SORL1: variants seen among roughly 807,000 people sequenced by gnomAD.
SORL1 encodes the protein sortilin related receptor 1, also known as sortilin-related receptor.
In SORL1, 127 loss-of-function variants were observed where a neutral mutation model predicts 273.7. The ratio of observed to expected loss-of-function variants is 0.46; its 90% CI spans 0.40 to 0.54. The LOEUF (loss-of-function observed/expected upper bound fraction) is 0.54. Among genes scored for constraint, SORL1 ranks in the 20% least tolerant of loss-of-function variants. The pLI is 0.00. For missense variants in SORL1, 2,494 were observed against 2,846.1 expected (o/e 0.88, Z 2.81); for synonymous variants, 1,031 against 1,067.4 (o/e 0.97, Z 0.66).
Position 121,591,171 on chromosome 11 carries a change from A to T in SORL1, c.4369+15A>T, listed in dbSNP as rs1224893703. ...CCCCTTGCTTGGTGAGTTCTGGCCC[A>T]GGTCCTCTCCTGTGGTACCTGCTAT... On this transcript the variant is annotated intron_variant, in intron 31 of 47. Transcript: ENST00000260197. 2.0e-5 allele frequency: 33 copies of T among 1,613,806 alleles called. No homozygotes were observed. Among genetic ancestry groups the T allele is most frequent in the Non-Finnish European group, 2.7e-5 (32 of 1,179,920 alleles).
At chr11:121,555,455 C>A in intron 18 of SORL1, 137 bp downstream of exon 18, 2 of 1,094,272 alleles carry the variant, frequency 1.8e-6, no homozygotes, top group African/African-American at 1.6e-5. Context: ...GAGAATGGAC[C>A]AGCTGAGCCT....
chr11:121,498,903 T>C (rs566187841), intron 6 of SORL1, among the ~76,000 whole-genome samples: 1 of 151,984 alleles, frequency 6.6e-6, no homozygotes, highest in Non-Finnish European at 1.5e-5. Flanking sequence ...ATATTCTAGC[T>C]GGAGCTTTCT....
At chr11:121,479,548 C>T (rs1368929202) in intron 3 of SORL1, among the ~76,000 whole-genome samples, 2 of 152,094 alleles carry the variant, frequency 1.3e-5, no homozygotes, top group African/African-American at 2.4e-5. Flanking sequence ...GGGCACTGAC[C>T]AATCAGAACA....
chr11:121,479,640 A>T (rs552339372), intron 3 of SORL1, among the ~76,000 whole-genome samples: 1 of 152,186 alleles, frequency 6.6e-6, no homozygotes, highest in East Asian at 1.9e-4. Flanking sequence ...TTTCAGGGAG[A>T]TCCTGGGGAA....
intron 6 of SORL1, among the ~76,000 whole-genome samples, chr11:121,507,761 A>G (rs1245587675): frequency 1.3e-5 from 2 of 151,788 alleles, no homozygotes; most frequent in East Asian, 3.9e-4. Flanking sequence ...TACTTAGTCT[A>G]ATGTCTGAGC....
chr11:121,534,976 C>T (rs552287129), intron 12 of SORL1, among the ~76,000 whole-genome samples: 4 of 152,250 alleles, frequency 2.6e-5, no homozygotes, highest in East Asian at 1.9e-4. Context: ...TTCTGCAACT[C>T]GTTAGTAAGG....
At chr11:121,610,219 T>G (rs576932466) in intron 38 of SORL1, 1 of 152,336 alleles carries the variant, frequency 6.6e-6, no homozygotes, top group South Asian at 2.1e-4. Flanking sequence ...AATAATATTT[T>G]CTGATAATAT....
intron 43 of SORL1, among the ~76,000 whole-genome samples, chr11:121,620,284 T>C (rs968369260): frequency 2.3e-4 from 35 of 152,204 alleles, no homozygotes; most frequent in African/African-American, 7.7e-4. Context: ...CCTATTTGTT[T>C]ATATATTATA....
chr11:121,484,032 G>A (rs1168216597), intron 3 of SORL1, among the ~76,000 whole-genome samples: 1 of 152,130 alleles, frequency 6.6e-6, no homozygotes, highest in African/African-American at 2.4e-5. Context: ...ACAGCGAGGA[G>A]ATTCACTTTT....
chr11:121,569,235 C>T (rs909625723), intron 22 of SORL1, among the ~76,000 whole-genome samples: 1 of 152,154 alleles, frequency 6.6e-6, no homozygotes, highest in Non-Finnish European at 1.5e-5. Context: ...CGCCTCAGGA[C>T]CCTGTGATGA....
At chr11:121,575,956 C>A (rs1391807138) in intron 24 of SORL1, among the ~76,000 whole-genome samples, 1 of 152,154 alleles carries the variant, frequency 6.6e-6, no homozygotes, top group Non-Finnish European at 1.5e-5. Flanking sequence ...CCGGTTAGCC[C>A]CTTCCTCTGA....
At chr11:121,555,454 C>A (rs1006818641) in intron 18 of SORL1, 136 bp downstream of exon 18, 1 of 1,091,146 alleles carries the variant, frequency 9.2e-7, no homozygotes, top group Non-Finnish European at 1.3e-6. Flanking sequence ...AGAGAATGGA[C>A]CAGCTGAGCC....
chr11:121,482,634 C>A (rs1281351227), intron 3 of SORL1, among the ~76,000 whole-genome samples: 1 of 152,250 alleles, frequency 6.6e-6, no homozygotes, highest in Admixed American at 6.5e-5. Flanking sequence ...ACCAGACCTA[C>A]CACTTCCTGA....
In SORL1 at chr11:121,557,300, CCT is replaced by C. The variant is rs756455522; in HGVS notation, c.2572-13_2572-12del. The C allele has an allele frequency of 2.9e-5, 47 of 1,600,432 alleles. No homozygotes were observed. Among genetic ancestry groups the C allele is most frequent in the African/African-American group, 2.4e-4 (18 of 74,624 alleles). On this transcript the variant is annotated splice_polypyrimidine_tract_variant and intron_variant, in intron 18 of 47. Coordinates refer to ENST00000260197, the MANE Select transcript of SORL1 (RefSeq NM_003105.6). ...CCGATCCATCTCAGCCTCTTTTCCC[CCT>C]GTTTTTGTCAGGTAGCTAATCCAGA...
At chr11:121,478,962 G>A (rs1861327106) in intron 3 of SORL1, among the ~76,000 whole-genome samples, 1 of 150,868 alleles carries the variant, frequency 6.6e-6, no homozygotes, top group South Asian at 2.1e-4. Flanking sequence ...CTGCGTGCGT[G>A]CGCATGCTTG....
At chr11:121,560,163 C>T (rs11605969) in intron 21 of SORL1, among the ~76,000 whole-genome samples, 23,928 of 152,224 alleles carry the variant, frequency 0.16, 2,048 homozygotes, top group African/African-American at 0.21. Flanking sequence ...ACCATGAAAC[C>T]CTAAACCCCA....
chr11:121,465,080 T>A (rs1861062508), intron 1 of SORL1, among the ~76,000 whole-genome samples: 1 of 152,184 alleles, frequency 6.6e-6, no homozygotes, highest in Non-Finnish European at 1.5e-5. Context: ...GAACTTAATA[T>A]CGCCGCAATG....
At chr11:121,615,121 C>T in intron 41 of SORL1, 66 bp downstream of exon 41, 2 of 1,317,576 alleles carry the variant, frequency 1.5e-6, no homozygotes, top group Admixed American at 2.5e-5. Context: ...CGCCACCACA[C>T]AACTCCAGGG....
At chr11:121,453,798 A>G (rs1340457221) in intron 1 of SORL1, among the ~76,000 whole-genome samples, 2 of 152,198 alleles carry the variant, frequency 1.3e-5, no homozygotes, top group Non-Finnish European at 2.9e-5. Flanking sequence ...CCAAGGTCAT[A>G]CCGGGAAGGT....
Sources: gnomAD v4.1 joint callset for allele counts (sites outside exome capture counted in the v4.1 genomes callset) on GRCh38, gnomAD v4.1.1 for gene constraint, MANE v1.5 for transcripts, NCBI Gene and HGNC (gene_info 2026-07-23, HGNC 2026-07-21) for gene names.